CERS6: variants seen among roughly 807,000 people sequenced by gnomAD.
CERS6 encodes the protein ceramide synthase 6.
Under a neutral mutation model 56.8 loss-of-function variants are expected in CERS6, and 26 were observed. The ratio of observed to expected loss-of-function variants is 0.46; its 90% CI spans 0.34 to 0.63. The LOEUF (loss-of-function observed/expected upper bound fraction) is 0.63, where lower values mean the gene tolerates loss of function less well. Among genes scored for constraint, CERS6 ranks in the 30% least tolerant of loss-of-function variants. The pLI, the probability that CERS6 is intolerant of heterozygous loss-of-function variation, is 0.01. For missense variants in CERS6, 415 were observed against 467.5 expected, an observed-to-expected ratio of 0.89 and a Z score of 1.04; for synonymous variants, 164 against 173.3, an observed-to-expected ratio of 0.95 and a Z score of 0.42.
intron 3 of CERS6, among the ~76,000 whole-genome samples, chr2:168,596,545 A>AT (rs1454448856): frequency 4.9e-5 from 6 of 121,906 alleles, no homozygotes; most frequent in African/African-American, 1.3e-4. Flanking sequence ...TCAGGGCCCC[A>AT]TCCCCCCCCC....
chr2:168,755,550 GC>G (rs1246743935), intron 8 of CERS6, among the ~76,000 whole-genome samples: 7 of 152,222 alleles, frequency 4.6e-5, no homozygotes, highest in Non-Finnish European at 8.8e-5. Context: ...CCCACTGCAG[GC>G]CCCTCTGGCT....
At chr2:168,483,364 T>C (rs1268451294) in intron 1 of CERS6, among the ~76,000 whole-genome samples, 1 of 152,078 alleles carries the variant, frequency 6.6e-6, no homozygotes, top group Non-Finnish European at 1.5e-5. Flanking sequence ...GGTTGACTCA[T>C]CTTGGACTGG....
chr2:168,696,005 T>A (rs1686636962), intron 6 of CERS6, among the ~76,000 whole-genome samples: 1 of 152,188 alleles, frequency 6.6e-6, no homozygotes, highest in African/African-American at 2.4e-5. Flanking sequence ...ATTTTAGATT[T>A]TTATATTAGG....
chr2:168,659,468 T>C (rs1685573155), intron 4 of CERS6, among the ~76,000 whole-genome samples: 2 of 152,224 alleles, frequency 1.3e-5, no homozygotes, highest in Non-Finnish European at 2.9e-5. Flanking sequence ...ATCATGCTAA[T>C]ACACATTGTT....
At chr2:168,481,517 C>T (rs930440295) in intron 1 of CERS6, among the ~76,000 whole-genome samples, 2 of 152,086 alleles carry the variant, frequency 1.3e-5, no homozygotes, top group Non-Finnish European at 2.9e-5. Flanking sequence ...CTGGTCAAGT[C>T]GGATCATTTG....
intron 1 of CERS6, among the ~76,000 whole-genome samples, chr2:168,539,817 T>A (rs1695333965): frequency 6.6e-6 from 1 of 152,194 alleles, no homozygotes; most frequent in South Asian, 2.1e-4. Context: ...TTATTGAATT[T>A]TTACTTATGC....
At chr2:168,465,335 ACTTT>A (rs1268641954) in intron 1 of CERS6, among the ~76,000 whole-genome samples, 1 of 152,128 alleles carries the variant, frequency 6.6e-6, no homozygotes, top group African/African-American at 2.4e-5. Context: ...CACAGATGGC[ACTTT>A]CTTACTGTAT....
chr2:168,514,409 G>A (rs1694849991), intron 1 of CERS6, among the ~76,000 whole-genome samples: 1 of 152,144 alleles, frequency 6.6e-6, no homozygotes, highest in Non-Finnish European at 1.5e-5. Flanking sequence ...GCCATTTATT[G>A]ATTACAAGTA....
intron 2 of CERS6, among the ~76,000 whole-genome samples, chr2:168,557,839 A>T (rs1211287960): frequency 6.6e-6 from 1 of 152,212 alleles, no homozygotes; most frequent in African/African-American, 2.4e-5. Flanking sequence ...ATCATAAGCA[A>T]ATTCTAAAAT....
At chr2:168,655,489 C>G (rs1359672197) in intron 4 of CERS6, among the ~76,000 whole-genome samples, 3 of 152,272 alleles carry the variant, frequency 2.0e-5, no homozygotes, top group African/African-American at 7.2e-5. Flanking sequence ...CAGTGTCTGT[C>G]AGTGGATAGA....
intron 4 of CERS6, among the ~76,000 whole-genome samples, chr2:168,680,564 C>T (rs1362263298): frequency 6.6e-6 from 1 of 151,522 alleles, no homozygotes; most frequent in Non-Finnish European, 1.5e-5. Context: ...TCCCACCCCA[C>T]CCTCCAAGGC....
At chr2:168,730,235 G>A (rs2105410802) in intron 8 of CERS6, among the ~76,000 whole-genome samples, 1 of 152,320 alleles carries the variant, frequency 6.6e-6, no homozygotes, top group South Asian at 2.1e-4. Flanking sequence ...AATAAGTCCT[G>A]CCTTTATCCA....
chr2:168,657,623 G>C (rs542192538), intron 4 of CERS6, among the ~76,000 whole-genome samples: 23 of 152,346 alleles, frequency 1.5e-4, no homozygotes, highest in African/African-American at 5.3e-4. Context: ...ATCAAGTGCA[G>C]CGCCTGTGGA....
intron 1 of CERS6, among the ~76,000 whole-genome samples, chr2:168,484,166 T>G (rs1483474977): frequency 1.3e-5 from 1 of 74,904 alleles, no homozygotes; most frequent in Non-Finnish European, 2.8e-5. Flanking sequence ...TTCTTTTTTC[T>G]GTTTTTTTTT....
chr2:168,615,681 T>C (rs1337518011), intron 3 of CERS6, among the ~76,000 whole-genome samples: 1 of 152,088 alleles, frequency 6.6e-6, no homozygotes. Context: ...GAAAAAAGAC[T>C]AAGAAAAAAT....
chr2:168,530,337 T>G (rs1695143982), intron 1 of CERS6, among the ~76,000 whole-genome samples: 1 of 152,208 alleles, frequency 6.6e-6, no homozygotes, highest in Non-Finnish European at 1.5e-5. Context: ...GAGAAGATAC[T>G]GCCTTACTCA....
At chr2:168,551,554 A>G (rs1457145737) in intron 2 of CERS6, among the ~76,000 whole-genome samples, 2 of 152,232 alleles carry the variant, frequency 1.3e-5, no homozygotes, top group Non-Finnish European at 2.9e-5. Flanking sequence ...CATGAAGCTC[A>G]TTTGTAAAAA....
At chr2:168,614,692 C>G (rs1338179372) in intron 3 of CERS6, among the ~76,000 whole-genome samples, 1 of 152,144 alleles carries the variant, frequency 6.6e-6, no homozygotes, top group Non-Finnish European at 1.5e-5. Context: ...ACCACACCCC[C>G]ATCCCCCATA....
At chr2:168,559,921 G>A (rs1454573060) in intron 2 of CERS6, among the ~76,000 whole-genome samples, 2 of 151,468 alleles carry the variant, frequency 1.3e-5, no homozygotes, top group Non-Finnish European at 2.9e-5. Context: ...GCTTAGTTTT[G>A]TTGGGTAGTA....
Sources: allele counts gnomAD v4.1 joint callset (sites outside exome capture counted in the v4.1 genomes callset), GRCh38; gene constraint gnomAD v4.1.1; transcripts MANE v1.5; gene names NCBI Gene and HGNC (gene_info 2026-07-23, HGNC 2026-07-21).